CDH13: variants seen among roughly 807,000 people sequenced by gnomAD.
CDH13 encodes cadherin 13, also known as cadherin-13.
Under a neutral mutation model 63.8 loss-of-function variants are expected in CDH13, and 24 were observed. That is an observed-to-expected ratio of 0.38 (90% CI 0.27 to 0.53). CDH13 has a LOEUF of 0.53. CDH13 is among the 20% of genes least tolerant of loss of function. The probability of loss-of-function intolerance (pLI) is 0.85; values close to 1 mark genes in which losing one functional copy is unlikely to be tolerated. For missense variants in CDH13, 1,049 were observed against 903.1 expected, an observed-to-expected ratio of 1.16 and a Z score of -2.07; for synonymous variants, 503 against 355.3, an observed-to-expected ratio of 1.42 and a Z score of -4.67.
rs1181499764 is a variant in CDH13 at position 83,670,860 on chromosome 16, C to G, written c.1172C>G (p.Pro391Arg). The change falls in exon 9 of 14, where the codon CCC becomes CGC. Residue 391 changes from proline (P) to arginine (R), a missense_variant. Physicochemically the swap from Pro to Arg is moderately radical, Grantham distance 103. Coordinates refer to ENST00000567109, the MANE Select transcript of CDH13 (RefSeq NM_001257.5). ...VNLTVEDKDD[P>R]TTGAWRAAYT... ...TTGACAGTTGAAGATAAGGATGACC[C>G]CACCACAGGTGCATGGAGGGCTGCC... is the stretch of plus-strand genomic sequence containing the variant. 1 of 1,613,864 alleles carries G rather than the reference C, an allele frequency of 6.2e-7. No individual in the cohort carries two copies. Among genetic ancestry groups the G allele is most frequent in the Admixed American group, 1.7e-5 (1 of 60,010 alleles).
intron 1 of CDH13, among the ~76,000 whole-genome samples, chr16:82,632,903 C>G (rs1332573488): frequency 6.6e-6 from 1 of 151,968 alleles, no homozygotes; most frequent in Non-Finnish European, 1.5e-5. Context: ...GATCATCAGG[C>G]ATTAGACTCT....
At chr16:83,216,329 G>A (rs1184517111) in intron 4 of CDH13, among the ~76,000 whole-genome samples, 5 of 140,780 alleles carry the variant, frequency 3.6e-5, no homozygotes, top group Non-Finnish European at 7.6e-5. Flanking sequence ...CCAGCTTGCT[G>A]ACTCATTCTA....
intron 5 of CDH13, among the ~76,000 whole-genome samples, chr16:83,271,645 A>G (rs2088821716): frequency 1.3e-5 from 2 of 151,976 alleles, no homozygotes; most frequent in Admixed American, 6.6e-5. Flanking sequence ...CAGTAAGAAA[A>G]TAATTCACAA....
intron 11 of CDH13, among the ~76,000 whole-genome samples, chr16:83,776,229 C>G (rs999233934): frequency 6.6e-6 from 1 of 152,148 alleles, no homozygotes; most frequent in Admixed American, 6.5e-5. Flanking sequence ...GCTCATAACG[C>G]CTTCTCATCC....
chr16:83,081,129 C>T (rs1443157526), intron 3 of CDH13, among the ~76,000 whole-genome samples: 1 of 151,958 alleles, frequency 6.6e-6, no homozygotes, highest in Non-Finnish European at 1.5e-5. Flanking sequence ...GATCTGCCCA[C>T]CTCAGCCTCC....
At position 83,043,169 on chromosome 16, in the gene CDH13, T is replaced by C. The variant is rs116139225; in HGVS notation, c.366+10951T>C. 2.2e-3 allele frequency among the ~76,000 whole-genome samples: 340 copies of C among 152,310 alleles called. 2 individuals are homozygous for C. The highest frequency in any genetic ancestry group is 7.8e-3 in the African/African-American group (326 of 41,568). The stretch of plus-strand genomic sequence containing the variant: ...TTAGCTCCAGGATACTATTCATATA[T>C]AGATAAAAAGACATCCTTCAATTCA... On this transcript the variant is annotated intron_variant, in intron 3 of 13. Transcript: ENST00000567109.
chr16:83,543,524 C>T (rs1352007110), intron 7 of CDH13, among the ~76,000 whole-genome samples: 1 of 152,224 alleles, frequency 6.6e-6, no homozygotes, highest in African/African-American at 2.4e-5. Context: ...CTGTGATCTA[C>T]TCCAGTAAAG....
At chr16:82,911,024 G>T (rs1019303309) in intron 2 of CDH13, among the ~76,000 whole-genome samples, 1 of 152,172 alleles carries the variant, frequency 6.6e-6, no homozygotes, top group Non-Finnish European at 1.5e-5. Context: ...TCAGAACTCA[G>T]TACTGCCGCA....
chr16:83,386,787 C>G (rs2091683041), intron 6 of CDH13, among the ~76,000 whole-genome samples: 1 of 152,198 alleles, frequency 6.6e-6, no homozygotes, highest in South Asian at 2.1e-4. Flanking sequence ...GATTCAACAT[C>G]ATGATGATGT....
intron 1 of CDH13, chr16:82,825,826 C>T (rs890061230): frequency 3.3e-5 from 5 of 151,502 alleles, no homozygotes; most frequent in East Asian, 2.0e-4. Flanking sequence ...GGATTACAGG[C>T]GCAAGCCACT....
chr16:82,919,844 G>C (rs920513688), intron 2 of CDH13, among the ~76,000 whole-genome samples: 1 of 152,186 alleles, frequency 6.6e-6, no homozygotes, highest in Non-Finnish European at 1.5e-5. Context: ...AGTGTGCTAG[G>C]CATTAGGAAA....
intron 6 of CDH13, among the ~76,000 whole-genome samples, chr16:83,409,319 A>C (rs1280918282): frequency 6.6e-6 from 1 of 152,220 alleles, no homozygotes; most frequent in African/African-American, 2.4e-5. Flanking sequence ...TTAATCCCCC[A>C]GCACTCCTGG....
chr16:83,171,533 G>A (rs1439633316), intron 4 of CDH13: 8 of 1,534,320 alleles, frequency 5.2e-6, no homozygotes, highest in Admixed American at 2.0e-5. Context: ...TGAAGATTTG[G>A]CAAGTTCTGT....
chr16:83,230,848 G>A (rs1284582943), intron 5 of CDH13, among the ~76,000 whole-genome samples: 1 of 152,232 alleles, frequency 6.6e-6, no homozygotes, highest in Non-Finnish European at 1.5e-5. Flanking sequence ...CCACAATGTG[G>A]ATGACATAAT....
chr16:83,324,693 A>G (rs886437182), intron 5 of CDH13, among the ~76,000 whole-genome samples: 2 of 152,236 alleles, frequency 1.3e-5, no homozygotes, highest in Non-Finnish European at 2.9e-5. Flanking sequence ...ATTATGAATA[A>G]TACTACTTTA....
intron 12 of CDH13, 47 bp downstream of exon 12, chr16:83,780,248 T>C: frequency 7.8e-7 from 1 of 1,287,210 alleles, no homozygotes; most frequent in South Asian, 1.3e-5. Context: ...GCTTTCAGTT[T>C]ATTTTCTCTT....
intron 1 of CDH13, among the ~76,000 whole-genome samples, chr16:82,666,592 A>G (rs994621778): frequency 1.7e-4 from 26 of 152,226 alleles, no homozygotes; most frequent in African/African-American, 6.3e-4. Context: ...TGACATAACA[A>G]CAACTACTAC....
At chr16:82,878,929 C>A (rs576850179) in intron 2 of CDH13, among the ~76,000 whole-genome samples, 4 of 152,110 alleles carry the variant, frequency 2.6e-5, no homozygotes, top group Admixed American at 6.5e-5. Flanking sequence ...AGATCCTCAC[C>A]TTCTCTGAGG....
At chr16:82,696,311 T>G (rs2030282092) in intron 1 of CDH13, among the ~76,000 whole-genome samples, 1 of 152,236 alleles carries the variant, frequency 6.6e-6, no homozygotes, top group South Asian at 2.1e-4. Flanking sequence ...ATATTTTATA[T>G]ATAAATGAAA....
Sources: allele counts gnomAD v4.1 joint callset (sites outside exome capture counted in the v4.1 genomes callset), GRCh38; gene constraint gnomAD v4.1.1; transcripts MANE v1.5; gene names NCBI Gene and HGNC (gene_info 2026-07-23, HGNC 2026-07-21).